The following CYFIP1 variants were observed in gnomAD, a reference collection of about 807,000 sequenced individuals.
CYFIP1 encodes the protein cytoplasmic FMR1-interacting protein 1.
Under a neutral mutation model 163.5 loss-of-function variants are expected in CYFIP1, and 58 were observed. The ratio of observed to expected loss-of-function variants is 0.35; its 90% CI spans 0.29 to 0.44. The LOEUF (loss-of-function observed/expected upper bound fraction) is 0.44. CYFIP1 is among the 20% of genes least tolerant of loss of function. The pLI is 1.00. For synonymous variants in CYFIP1, 663 were observed against 660.7 expected, an observed-to-expected ratio of 1.00 and a Z score of -0.05; for missense variants, 1,338 against 1,653.8, an observed-to-expected ratio of 0.81 and a Z score of 3.31.
At chr15:22,979,310 TGCC>T (rs2063385997) in intron 1 of CYFIP1, among the ~76,000 whole-genome samples, 1 of 152,160 alleles carries the variant, frequency 6.6e-6, no homozygotes, top group African/African-American at 2.4e-5. Context: ...GCCGGGACTC[TGCC>T]GCCAAGCTGT....
At chr15:22,969,660 C>T (rs1422600111) in intron 1 of CYFIP1, among the ~76,000 whole-genome samples, 1 of 152,146 alleles carries the variant, frequency 6.6e-6, no homozygotes, top group East Asian at 1.9e-4. Context: ...CCACTACATA[C>T]ATATTTGCAT....
intron 10 of CYFIP1, 98 bp from the exon 11 acceptor site, chr15:22,932,438 A>C: frequency 1.4e-6 from 1 of 697,276 alleles, no homozygotes; most frequent in Non-Finnish European, 2.3e-6. Flanking sequence ...GAGCCACACA[A>C]ATGGCTTTTA....
intron 20 of CYFIP1, 142 bp from the exon 21 acceptor site, chr15:22,909,455 C>T: frequency 1.1e-6 from 1 of 925,034 alleles, no homozygotes; most frequent in Middle Eastern, 3.3e-4. Flanking sequence ...CATCTCCCCA[C>T]ATACATGGCA....
chr15:22,872,652 T>A, intron 30 of CYFIP1, 173 bp downstream of exon 30: 1 of 624,964 alleles, frequency 1.6e-6, no homozygotes, highest in Middle Eastern at 4.4e-4. Context: ...TCTGCCAGAC[T>A]GCTTTACTGG....
At chr15:22,898,035 T>A (rs925262777) in intron 22 of CYFIP1, among the ~76,000 whole-genome samples, 3 of 152,152 alleles carry the variant, frequency 2.0e-5, no homozygotes, top group Non-Finnish European at 4.4e-5. Flanking sequence ...AATCAGGAAC[T>A]TCCAAGCTGT....
chr15:22,967,151 C>G (rs933780798), intron 1 of CYFIP1, among the ~76,000 whole-genome samples: 1 of 152,182 alleles, frequency 6.6e-6, no homozygotes. Flanking sequence ...GGTTGGGACA[C>G]GGGACAAGGA....
Position 22,918,734 on chromosome 15 carries a change from G to A in CYFIP1, c.1484C>T (p.Pro495Leu), listed in dbSNP as rs776186146. 4.5e-5 allele frequency: 72 copies of A among 1,610,508 alleles called. 2 individuals carry two copies. Among genetic ancestry groups the A allele is most frequent in the Non-Finnish European group, 5.5e-5 (65 of 1,178,664 alleles). ...QDFSQVTLRE[P>L]LRQAIKKKKN... ...CTTCTTCTTGATGGCCTGCCGCAGC[G>A]GCTCCCTAAGGGTCACCTGGGAGAA... Residue 495 changes from proline to leucine, a missense_variant, in exon 14 of 31, where the codon CCG becomes CTG. By Grantham distance (98) the Pro-to-Leu change is moderately conservative. Coordinates refer to ENST00000617928, the MANE Select transcript of CYFIP1 (RefSeq NM_014608.6).
intron 9 of CYFIP1, among the ~76,000 whole-genome samples, chr15:22,934,470 C>A (rs2061645960): frequency 7.2e-6 from 1 of 138,262 alleles, no homozygotes; most frequent in Non-Finnish European, 1.5e-5. Context: ...CAGGCGTGAA[C>A]CACCGCACCC....
rs373062330 is a variant in CYFIP1 at position 22,869,611 on chromosome 15, A to G, written c.*417T>C. ...GGATGGGAACAATGACTTAGAACTA[A>G]GATTGCTCATAAAAGACCATCAGAA... On this transcript the variant is annotated 3_prime_UTR_variant, in exon 31 of 31. Coordinates refer to ENST00000617928, the MANE Select transcript of CYFIP1 (RefSeq NM_014608.6). 1 of 154,434 alleles carries G rather than the reference A, an allele frequency of 6.5e-6. No individual in the cohort carries two copies. Among genetic ancestry groups the G allele is most frequent in the Admixed American group, 6.5e-5 (1 of 15,328 alleles). 9.6% of individuals were successfully genotyped at this position (154,434 alleles called of 1,614,324 possible).
chr15:22,937,158 A>G lies in CYFIP1; in HGVS notation c.846T>C (p.Tyr282=), dbSNP rs1315970166. Residue 282 remains tyrosine (Y), a synonymous_variant, in exon 9 of 31, where the codon TAT becomes TAC. Coordinates refer to ENST00000617928, the MANE Select transcript of CYFIP1 (RefSeq NM_014608.6). The part of the protein sequence containing the change: ...YLMDGSVSNI[Y]KLDAKKRINL... ...TTATTCTTTTCTTGGCATCCAACTT[A>G]TAGATGTTACTGACACTCCCATCCA... 6.2e-7 allele frequency: 1 copy of G among 1,613,710 alleles called. No homozygotes were observed. The highest frequency in any genetic ancestry group is 1.7e-5 in the Admixed American group (1 of 59,984).
chr15:22,873,396 A>G, intron 29 of CYFIP1, 95 bp downstream of exon 29: 2 of 1,040,872 alleles, frequency 1.9e-6, no homozygotes, highest in Non-Finnish European at 2.9e-6. Flanking sequence ...CCACTTCCTG[A>G]GCATGGCTGG....
Position 22,937,161 on chromosome 15 carries a change from G to T in CYFIP1, c.843C>A (p.Ile281=). ...LYLMDGSVSN[I]YKLDAKKRIN... is the part of the protein sequence containing the mutation. The stretch of plus-strand genomic sequence containing the variant: ...TTCTTTTCTTGGCATCCAACTTATA[G>T]ATGTTACTGACACTCCCATCCATCA... Residue 281 remains isoleucine (I), a synonymous_variant, in exon 9 of 31, where the codon ATC becomes ATA. Transcript: ENST00000617928. 1 of 1,613,614 alleles carries T rather than the reference G, an allele frequency of 6.2e-7. No homozygotes were observed.
intron 1 of CYFIP1, among the ~76,000 whole-genome samples, chr15:22,952,666 A>T (rs1748713648): frequency 7.6e-6 from 1 of 130,844 alleles, no homozygotes; most frequent in African/African-American, 2.8e-5. Context: ...TCTCAAAAAA[A>T]AAAAAAAAAG....
At chr15:22,978,352 CAAAAAAAAA>C (rs397976366) in intron 1 of CYFIP1, among the ~76,000 whole-genome samples, 36 of 52,768 alleles carry the variant, frequency 6.8e-4, no homozygotes, top group East Asian at 4.2e-3. Context: ...GACTCTGTCA[CAAAAAAAAA>C]AAAAAAAAAA....
chr15:22,930,203 A>C (rs79533817), intron 11 of CYFIP1, among the ~76,000 whole-genome samples: 37,894 of 149,632 alleles, frequency 0.25, 5,563 homozygotes, highest in Middle Eastern at 0.37. Context: ...ACACACAAAA[A>C]ACACACACAA....
chr15:22,917,936 C>G lies in CYFIP1; in HGVS notation c.1527-1G>C. 1 of 1,613,050 alleles carries G rather than the reference C, an allele frequency of 6.2e-7. No individual in the cohort carries two copies. The highest frequency in any genetic ancestry group is 8.5e-7 in the Non-Finnish European group (1 of 1,179,594). The stretch of plus-strand genomic sequence containing the variant: ...GGTCTTCCTGATGGCCTGCAGGACA[C>G]TGAACACCCCACCAAGTGATCAGCA... On this transcript the variant is annotated splice_acceptor_variant, in intron 14 of 30. Transcript: ENST00000617928. LOFTEE classifies it high-confidence loss of function. This position sits in a 1 kb window ranked among gnomAD's most constrained non-coding sequence, Gnocchi z 4.2.
At chr15:22,952,427 G>A (rs537701983) in intron 1 of CYFIP1, among the ~76,000 whole-genome samples, 168 of 151,978 alleles carry the variant, frequency 1.1e-3, no homozygotes, top group Middle Eastern at 6.9e-3. Context: ...AGGCCGAGGC[G>A]GGCGAATCAC....
At position 22,970,847 on chromosome 15, in the gene CYFIP1, C is replaced by A. The variant is rs59276555; in HGVS notation, c.-7+9440G>T. Among the ~76,000 whole-genome samples, 617 of 152,134 alleles carry A rather than the reference C, an allele frequency of 4.1e-3. 4 individuals are homozygous for A. The highest frequency in any genetic ancestry group is 0.014 in the African/African-American group (575 of 41,476). ...ATCCCAGCACTTTGGGAGGCCGAGTCGGGCAGATCACAAGGTCAAGAGATC... is the reference window on the plus strand; with the variant it reads ...ATCCCAGCACTTTGGGAGGCCGAGTAGGGCAGATCACAAGGTCAAGAGATC... On this transcript the variant is annotated intron_variant, in intron 1 of 30. Coordinates refer to ENST00000617928, the MANE Select transcript of CYFIP1 (RefSeq NM_014608.6).
At chr15:22,972,793 C>G (rs544357388) in intron 1 of CYFIP1, among the ~76,000 whole-genome samples, 29 of 152,192 alleles carry the variant, frequency 1.9e-4, no homozygotes, top group African/African-American at 7.0e-4. Flanking sequence ...ATCACCTGAG[C>G]TCAGGAGTTT....
Sources: allele counts gnomAD v4.1 joint callset (sites outside exome capture counted in the v4.1 genomes callset), GRCh38; gene constraint gnomAD v4.1.1; non-coding constraint Gnocchi (gnomAD v3.1); transcripts MANE v1.5; gene names NCBI Gene and HGNC (gene_info 2026-07-23, HGNC 2026-07-21).